Variants in CYFIP1 observed in about 807,000 individuals in gnomAD.
CYFIP1 encodes cytoplasmic FMR1 interacting protein 1, also known as cytoplasmic FMR1-interacting protein 1.
Under a neutral mutation model 163.5 loss-of-function variants are expected in CYFIP1, and 58 were observed. The ratio of observed to expected loss-of-function variants is 0.35; its 90% CI spans 0.29 to 0.44. The LOEUF (loss-of-function observed/expected upper bound fraction) is 0.44, where lower values mean the gene tolerates loss of function less well. Ranked by LOEUF, CYFIP1 falls within the 20% of genes least tolerant of loss-of-function variation. The pLI, the probability that CYFIP1 is intolerant of heterozygous loss-of-function variation, is 1.00. For synonymous variants in CYFIP1, 663 were observed against 660.7 expected (o/e 1.00, Z -0.05); for missense variants, 1,338 against 1,653.8 (o/e 0.81, Z 3.31).
In CYFIP1 at chr15:22,892,670, G is replaced by A. The variant is rs538138112; in HGVS notation, c.2676+220C>T. ...CCAGAGCTGTCCCAACACTACGTAC[G>A]CGCTAGTTCTAGATAAGCACTGTTT... On this transcript the variant is annotated intron_variant, in intron 23 of 30. Transcript: ENST00000617928. Among the ~76,000 whole-genome samples, 3 of 152,276 alleles carry A rather than the reference G, an allele frequency of 2.0e-5. No individual in the cohort carries two copies. The East Asian group carries it at 5.8e-4, about 29-fold the overall frequency.
intron 25 of CYFIP1, among the ~76,000 whole-genome samples, chr15:22,880,918 CCCT>C (rs1445348336): frequency 6.6e-6 from 1 of 152,164 alleles, no homozygotes; most frequent in African/African-American, 2.4e-5. Context: ...GGAAATGGCT[CCCT>C]CCTCAACATC....
chr15:22,961,662 C>T (rs1382907768), intron 1 of CYFIP1, among the ~76,000 whole-genome samples: 4 of 152,096 alleles, frequency 2.6e-5, no homozygotes, highest in South Asian at 2.1e-4. Flanking sequence ...ATTACAGGAA[C>T]GAGCCACTTC....
In CYFIP1 at chr15:22,914,715, AG is replaced by A. The variant is rs1187778998; in HGVS notation, c.1985+10del. ...ACACAAAGGCTGGAGACAGGCCCGC[AG>A]GACACGCACTCCATCATCGATGCCT... On this transcript the variant is annotated intron_variant, in intron 17 of 30. Coordinates refer to ENST00000617928, the MANE Select transcript of CYFIP1 (RefSeq NM_014608.6). 1 of 1,603,188 alleles carries A rather than the reference AG, an allele frequency of 6.2e-7. No homozygotes were observed. Among genetic ancestry groups the A allele is most frequent in the East Asian group, 2.2e-5 (1 of 44,478 alleles).
chr15:22,933,839 T>C lies in CYFIP1; in HGVS notation c.955A>G (p.Ile319Val), dbSNP rs1295164527. ...TCCTCGTAGTGGGCGCTGGTCTTGATATATCTTGCCAGTTCTATTTGCATG... is the reference window on the plus strand; with the variant it reads ...TCCTCGTAGTGGGCGCTGGTCTTGACATATCTTGCCAGTTCTATTTGCATG... ...GDMQIELARYIKTSAHYEENK... is the reference protein window; with the variant it reads ...GDMQIELARYVKTSAHYEENK... Residue 319 changes from isoleucine (I) to valine (V), a missense_variant, in exon 10 of 31, where the codon ATC becomes GTC. This residue lies in a region of CYFIP1 where 824 missense variants were observed against 995.7 expected (regional missense o/e 0.83). Coordinates refer to ENST00000617928, the MANE Select transcript of CYFIP1 (RefSeq NM_014608.6). 1 of 1,613,546 alleles carries C rather than the reference T, an allele frequency of 6.2e-7. No individual in the cohort carries two copies. The highest frequency in any genetic ancestry group is 1.3e-5 in the African/African-American group (1 of 74,896).
At position 22,917,361 on chromosome 15, in the gene CYFIP1, A is replaced by G; in HGVS notation, c.1674+427T>C. 1.7e-6 allele frequency: 2 copies of G among 1,194,414 alleles called. No individual in the cohort carries two copies. The highest frequency in any genetic ancestry group is 7.0e-5 in the East Asian group (2 of 28,450). The allele number at this position is 1,194,414 out of a possible 1,614,324, so 74.0% of individuals were successfully genotyped here. ...CTCGGGGAGGCCTGAACACACCAGG[A>G]GAGAGGACAGTGGGCAGCTTAGGAC... On this transcript the variant is annotated intron_variant, in intron 15 of 30. Coordinates refer to ENST00000617928, the MANE Select transcript of CYFIP1 (RefSeq NM_014608.6). The surrounding 1 kb of genome is among the most constrained non-coding windows in gnomAD (Gnocchi z 4.2).
chr15:22,936,827 A>G (rs905505379), intron 9 of CYFIP1, among the ~76,000 whole-genome samples: 1 of 152,180 alleles, frequency 6.6e-6, no homozygotes, highest in African/African-American at 2.4e-5. Context: ...TCCAGGATGC[A>G]CCTCACAAAC....
At chr15:22,940,509 A>T (rs556077364) in intron 6 of CYFIP1, among the ~76,000 whole-genome samples, 1 of 152,286 alleles carries the variant, frequency 6.6e-6, no homozygotes, top group South Asian at 2.1e-4. Flanking sequence ...TGACAGCTGG[A>T]GCTTAAGCAA....
At chr15:22,933,747 G>C in intron 10 of CYFIP1, 55 bp downstream of exon 10, 2 of 1,301,988 alleles carry the variant, frequency 1.5e-6, no homozygotes, top group Non-Finnish European at 2.2e-6. Flanking sequence ...TTTGAAAACC[G>C]CACAATGAGG....
In CYFIP1 at chr15:22,937,279, A is replaced by G. The variant is rs192148859; in HGVS notation, c.796-71T>C. On this transcript the variant is annotated intron_variant, in intron 8 of 30. Transcript: ENST00000617928. ...AATTTCACTACCCATAAGGACTTACACTGTTACAGCTGATGACTTTGAAGG... is the reference window on the plus strand; with the variant it reads ...AATTTCACTACCCATAAGGACTTACGCTGTTACAGCTGATGACTTTGAAGG... 1,087 of 893,680 alleles carry G rather than the reference A, an allele frequency of 1.2e-3. 4 individuals are homozygous for G. The highest frequency in any genetic ancestry group is 2.0e-3 in the Admixed American group (109 of 55,810). 55.4% of individuals were successfully genotyped at this position (893,680 alleles called of 1,614,324 possible). A position where few individuals can be genotyped will look rare whatever the true frequency, so the allele number is the denominator to read the frequency against.
At chr15:22,951,246 C>T in intron 1 of CYFIP1, 1 of 957,146 alleles carries the variant, frequency 1.0e-6, no homozygotes, top group Non-Finnish European at 1.3e-6. Context: ...TAAGGGAACG[C>T]CCCCGACCGC....
At chr15:22,933,958 A>C (rs1195843575) in intron 9 of CYFIP1, 65 bp from the exon 10 acceptor site, 1 of 1,161,602 alleles carries the variant, frequency 8.6e-7, no homozygotes, top group Admixed American at 2.1e-5. Context: ...CATAAGCACA[A>C]GGAAACTGAC....
chr15:22,900,785 A>G (rs1048790530), intron 22 of CYFIP1, among the ~76,000 whole-genome samples: 4 of 151,968 alleles, frequency 2.6e-5, no homozygotes, highest in Admixed American at 1.3e-4. Flanking sequence ...CACTGCCCAA[A>G]CCGCACCCAC....
At chr15:22,974,225 C>T (rs971668385) in intron 1 of CYFIP1, among the ~76,000 whole-genome samples, 1 of 152,094 alleles carries the variant, frequency 6.6e-6, no homozygotes, top group African/African-American at 2.4e-5. Flanking sequence ...TCGCTGTACC[C>T]CATGTTTATT....
rs1297882221 is a variant in CYFIP1, at chr15:22,867,793, A to G, written c.*2235T>C. The stretch of plus-strand genomic sequence containing the variant: ...TATAGAATATGGTCTCTTTGTACCA[A>G]GTACTTTGCTTAAGAGCTCCTTTGG... On this transcript the variant is annotated 3_prime_UTR_variant, in exon 31 of 31. Transcript: ENST00000617928. 2 of 152,212 alleles carry G rather than the reference A, an allele frequency of 1.3e-5. No homozygotes were observed. The highest frequency in any genetic ancestry group is 4.8e-5 in the African/African-American group (2 of 41,450). 9.4% of individuals were successfully genotyped at this position (152,212 alleles called of 1,614,324 possible).
chr15:22,906,966 GCT>G (rs1307038615), intron 21 of CYFIP1, among the ~76,000 whole-genome samples: 2 of 152,066 alleles, frequency 1.3e-5, no homozygotes, highest in Non-Finnish European at 2.9e-5. Flanking sequence ...AGTGAAATAA[GCT>G]CTCTCATGCT....
chr15:22,882,153 C>T (rs2059785008), intron 24 of CYFIP1, among the ~76,000 whole-genome samples: 1 of 152,218 alleles, frequency 6.6e-6, no homozygotes, highest in South Asian at 2.1e-4. Flanking sequence ...AAACTGGACT[C>T]CTCTTTCAAG....
chr15:22,872,834 A>C lies in CYFIP1; in HGVS notation c.3588T>G (p.Ile1196Met). ...VQKHDGKDEI[I>M]KNVPLKKMVE... is the part of the protein sequence containing the mutation. ...ATTTTCATCCACATACCACATTTTT[A>C]ATAATCTCATCTTTGCCATCATGTT... The change falls in exon 30 of 31, where the codon ATT (isoleucine) becomes ATG (methionine). Residue 1196 changes from isoleucine (I) to methionine (M), a missense_variant. By Grantham distance (10) the Ile-to-Met change is conservative. Transcript: ENST00000617928. 6.2e-7 allele frequency: 1 copy of C among 1,614,022 alleles called. No individual in the cohort carries two copies. Among genetic ancestry groups the C allele is most frequent in the Non-Finnish European group, 8.5e-7 (1 of 1,179,914 alleles).
At chr15:22,914,922 CAA>C in intron 16 of CYFIP1, 40 bp from the exon 17 acceptor site, 2 of 1,525,912 alleles carry the variant, frequency 1.3e-6, no homozygotes, top group Non-Finnish European at 1.8e-6. Context: ...CTCCCGCAAG[CAA>C]AAAAAAACCT....
rs114106128 is a variant in CYFIP1 at position 22,897,954 on chromosome 15, G to T, written c.2589-4977C>A. Among the ~76,000 whole-genome samples the T allele has an allele frequency of 3.0e-3, 464 of 152,266 alleles. 4 individuals carry two copies. The highest frequency in any genetic ancestry group is 0.011 in the African/African-American group (454 of 41,566). On this transcript the variant is annotated intron_variant, in intron 22 of 30. Transcript: ENST00000617928. The stretch of plus-strand genomic sequence containing the variant: ...AGGAGCTGTTTCTGTTAAGGTCCCT[G>T]CTCTCTCATATGCCACCCTGCAAAT...
Sources: allele counts gnomAD v4.1 joint callset (sites outside exome capture counted in the v4.1 genomes callset), GRCh38; gene constraint gnomAD v4.1.1; regional missense constraint gnomAD v4.1.1; non-coding constraint Gnocchi (gnomAD v3.1); transcripts MANE v1.5; gene names NCBI Gene and HGNC (gene_info 2026-07-23, HGNC 2026-07-21).